Variants in MON2 observed in about 807,000 individuals in gnomAD.
The protein encoded by MON2 is protein MON2 homolog.
MON2 carries 84 observed loss-of-function variants against 208.6 expected under a neutral mutation model. The ratio of observed to expected loss-of-function variants is 0.40; its 90% CI spans 0.34 to 0.48. The LOEUF (loss-of-function observed/expected upper bound fraction) is 0.48, where lower values mean the gene tolerates loss of function less well. Ranked by LOEUF, MON2 falls within the 20% of genes least tolerant of loss-of-function variation. MON2 has a pLI of 0.59. For synonymous variants in MON2, 660 were observed against 694.0 expected, an observed-to-expected ratio of 0.95 and a Z score of 0.77; for missense variants, 1,611 against 2,015.4, an observed-to-expected ratio of 0.80 and a Z score of 3.84.
intron 1 of MON2, among the ~76,000 whole-genome samples, chr12:62,470,071 A>AT (rs2068720376): frequency 6.6e-6 from 1 of 151,632 alleles, no homozygotes; most frequent in African/African-American, 2.4e-5. Flanking sequence ...CACGCAGCTG[A>AT]TTTTTGTATT....
At chr12:62,549,951 T>A (rs2073669384) in intron 23 of MON2, 121 bp downstream of exon 23, 2 of 554,980 alleles carry the variant, frequency 3.6e-6, no homozygotes, top group East Asian at 6.4e-5. Flanking sequence ...CTTTTAAATT[T>A]CAAACTTACG....
chr12:62,476,656 T>C (rs1455733373), intron 1 of MON2, among the ~76,000 whole-genome samples: 5 of 152,050 alleles, frequency 3.3e-5, no homozygotes, highest in African/African-American at 7.2e-5. Context: ...AGGCTAGTCT[T>C]GAATGCCTGA....
intron 7 of MON2, among the ~76,000 whole-genome samples, chr12:62,503,519 A>G (rs906104929): frequency 3.3e-5 from 5 of 152,202 alleles, no homozygotes; most frequent in African/African-American, 1.2e-4. Flanking sequence ...CACATCCACA[A>G]TGGTATTTTT....
At chr12:62,506,918 C>T (rs1156418310) in intron 7 of MON2, among the ~76,000 whole-genome samples, 2 of 152,214 alleles carry the variant, frequency 1.3e-5, no homozygotes, top group East Asian at 3.9e-4. Context: ...TAAATACAGC[C>T]TAGGCCTTAT....
At chr12:62,578,149 G>A (rs979452150) in intron 30 of MON2, among the ~76,000 whole-genome samples, 2 of 152,116 alleles carry the variant, frequency 1.3e-5, no homozygotes, top group Admixed American at 6.5e-5. Context: ...GCAGATGATA[G>A]CTCTTTACCT....
chr12:62,580,805 A>G (rs2074978449), intron 32 of MON2, among the ~76,000 whole-genome samples: 1 of 152,214 alleles, frequency 6.6e-6, no homozygotes, highest in South Asian at 2.1e-4. Context: ...AAAGGAATAT[A>G]AAAATATGAA....
intron 14 of MON2, 82 bp downstream of exon 14, chr12:62,535,791 G>C: frequency 9.0e-7 from 1 of 1,116,374 alleles, no homozygotes; most frequent in Non-Finnish European, 1.2e-6. Context: ...CTGAGTTTAA[G>C]TCTCTGCTTT....
At chr12:62,522,774 C>G (rs542925305) in intron 8 of MON2, among the ~76,000 whole-genome samples, 1 of 152,290 alleles carries the variant, frequency 6.6e-6, no homozygotes, top group African/African-American at 2.4e-5. Context: ...GCTCTCAACA[C>G]TAGTTCTCTG....
Position 62,466,978 on chromosome 12 carries a change from G to T in MON2, c.-230G>T. Reference sequence around the variant, plus strand: ...GGGTTTCTCGGCCAGAGTCGGCGGAGCCTAGCGGGACGGTGCGACTGCGGG... The same window carrying T: ...GGGTTTCTCGGCCAGAGTCGGCGGATCCTAGCGGGACGGTGCGACTGCGGG... On this transcript the variant is annotated 5_prime_UTR_variant, in exon 1 of 35. Transcript: ENST00000393630. 1 of 526,052 alleles carries T rather than the reference G, an allele frequency of 1.9e-6. No homozygotes were observed. The highest frequency in any genetic ancestry group is 3.4e-6 in the Non-Finnish European group (1 of 296,414). 32.6% of individuals were successfully genotyped at this position (526,052 alleles called of 1,614,324 possible).
chr12:62,505,337 C>A (rs1287813547), intron 7 of MON2, among the ~76,000 whole-genome samples: 1 of 152,134 alleles, frequency 6.6e-6, no homozygotes, highest in Non-Finnish European at 1.5e-5. Flanking sequence ...ATGTTCCTGG[C>A]ATATAGTTGC....
chr12:62,481,341 A>G (rs1372803163), intron 1 of MON2, among the ~76,000 whole-genome samples: 1 of 152,088 alleles, frequency 6.6e-6, no homozygotes, highest in Admixed American at 6.5e-5. Context: ...CCTGGCTAAC[A>G]TGGTGAAACC....
chr12:62,519,684 G>A (rs1321591270), intron 8 of MON2, among the ~76,000 whole-genome samples: 5 of 152,052 alleles, frequency 3.3e-5, no homozygotes, highest in African/African-American at 4.8e-5. Flanking sequence ...GATTTTTTTT[G>A]GGTTGACACA....
chr12:62,532,653 A>G lies in MON2; in HGVS notation c.1616A>G (p.Gln539Arg). ...CAGGATTTACAGTCAACATCAGACC[A>G]AATGGATAAGGAAATTGGTATGAGT... is the stretch of plus-strand genomic sequence containing the variant. ...EQQDLQSTSDQMDKEIVSRAV... is the reference protein window; with the variant it reads ...EQQDLQSTSDRMDKEIVSRAV... The change falls in exon 12 of 35, where the codon CAA (glutamine) becomes CGA (arginine). Residue 539 changes from glutamine (Q) to arginine (R), a missense_variant. By Grantham distance (43) the Gln-to-Arg change is conservative. Coordinates refer to ENST00000393630, the MANE Select transcript of MON2 (RefSeq NM_015026.3). 2 of 1,611,780 alleles carry G rather than the reference A, an allele frequency of 1.2e-6. No individual in the cohort carries two copies. Among genetic ancestry groups the G allele is most frequent in the Non-Finnish European group, 1.7e-6 (2 of 1,177,864 alleles).
rs2074956172 is a variant in MON2 at position 62,580,285 on chromosome 12, C to G, written c.4576-12C>G. 2 of 1,604,082 alleles carry G rather than the reference C, an allele frequency of 1.2e-6. No homozygotes were observed. Among genetic ancestry groups the G allele is most frequent in the Non-Finnish European group, 1.7e-6 (2 of 1,175,586 alleles). On this transcript the variant is annotated splice_polypyrimidine_tract_variant and intron_variant, in intron 31 of 34. Coordinates refer to ENST00000393630, the MANE Select transcript of MON2 (RefSeq NM_015026.3). Reference sequence around the variant, plus strand: ...GAAAACAATACATTTGCATTTGCCTCTTTTGTTTTAGGTAGTTCAACTTAT... The same window carrying G: ...GAAAACAATACATTTGCATTTGCCTGTTTTGTTTTAGGTAGTTCAACTTAT...
Position 62,525,115 on chromosome 12 carries a change from C to T in MON2, c.1141C>T (p.His381Tyr). Residue 381 changes from histidine (H) to tyrosine (Y), a missense_variant, in exon 10 of 35, where the codon CAT (histidine) becomes TAT (tyrosine). Coordinates refer to ENST00000393630, the MANE Select transcript of MON2 (RefSeq NM_015026.3). ...TTGTCAGTCCTATGATATGAAACAG[C>T]ATTCTACCAAGGTTTTTCGTGATAT... ...SFCQSYDMKQ[H>Y]STKVFRDIVN... The T allele has an allele frequency of 6.2e-7, 1 of 1,611,206 alleles. No individual in the cohort carries two copies.
Position 62,549,768 on chromosome 12 carries a change from G to T in MON2, c.2854G>T (p.Ala952Ser). The change falls in exon 23 of 35, where the codon GCA becomes TCA. Residue 952 changes from alanine to serine, a missense_variant. By Grantham distance (99) the Ala-to-Ser change is moderately conservative. Transcript: ENST00000393630. The stretch of plus-strand genomic sequence containing the variant: ...TTGCCTGCAAATAGTTGTAGATGTT[G>T]CAGGTAGCTTTGGCCTCCATAACCA... ...CTCLQIVVDV[A>S]GSFGLHNQEL... 1 of 1,613,004 alleles carries T rather than the reference G, an allele frequency of 6.2e-7. No homozygotes were observed. The highest frequency in any genetic ancestry group is 8.5e-7 in the Non-Finnish European group (1 of 1,179,536).
chr12:62,574,630 T>C (rs898259282), intron 30 of MON2, among the ~76,000 whole-genome samples: 2 of 152,162 alleles, frequency 1.3e-5, no homozygotes, highest in African/African-American at 4.8e-5. Flanking sequence ...ATAAAGCTTC[T>C]AAATTCAGCT....
At position 62,493,902 on chromosome 12, in the gene MON2, G is replaced by A. The variant is rs1377258582; in HGVS notation, c.176-13G>A. 3 of 1,525,776 alleles carry A rather than the reference G, an allele frequency of 2.0e-6. No individual in the cohort carries two copies. The highest frequency in any genetic ancestry group is 1.8e-6 in the Non-Finnish European group (2 of 1,129,006). The allele number at this position is 1,525,776 out of a possible 1,614,324, so 94.5% of individuals were successfully genotyped here. ...AATTTTAATAATTTACTTTATATGT[G>A]TTCTAAATGAAGCACTGAAAGAGAA... On this transcript the variant is annotated splice_polypyrimidine_tract_variant and intron_variant, in intron 2 of 34. Transcript: ENST00000393630.
At chr12:62,584,708 A>G (rs934055271) in intron 32 of MON2, among the ~76,000 whole-genome samples, 3 of 149,260 alleles carry the variant, frequency 2.0e-5, no homozygotes, top group Admixed American at 2.0e-4. Flanking sequence ...GTCTCAACAA[A>G]AAAAAAAAAA....
Sources: gnomAD v4.1 joint callset for allele counts (sites outside exome capture counted in the v4.1 genomes callset) on GRCh38, gnomAD v4.1.1 for gene constraint, MANE v1.5 for transcripts, NCBI Gene and HGNC (gene_info 2026-07-23, HGNC 2026-07-21) for gene names.